The following CDK11B variants were observed in gnomAD, a reference collection of about 807,000 sequenced individuals.
The protein encoded by CDK11B is cyclin dependent kinase 11B.
Under a neutral mutation model 84.0 loss-of-function variants are expected in CDK11B, and 37 were observed. The ratio of observed to expected loss-of-function variants is 0.44; its 90% CI spans 0.34 to 0.58. The LOEUF is 0.58. Among genes scored for constraint, CDK11B ranks in the 20% least tolerant of loss-of-function variants. The pLI is 0.02. For synonymous variants in CDK11B, 269 were observed against 309.8 expected (o/e 0.87, Z 1.38); for missense variants, 427 against 834.0 (o/e 0.51, Z 6.01).
chr1:1,650,724 T>C (rs1231983090), intron 4 of CDK11B, among the ~76,000 whole-genome samples: 1 of 146,750 alleles, frequency 6.8e-6, no homozygotes, highest in Non-Finnish European at 1.5e-5. Context: ...GCCAGGCTGG[T>C]CTTGAACTCC....
At chr1:1,653,855 C>CACACAA (rs1642359978) in intron 3 of CDK11B, among the ~76,000 whole-genome samples, 4 of 150,364 alleles carry the variant, frequency 2.7e-5, no homozygotes, top group Admixed American at 2.6e-4. Flanking sequence ...CACACACACA[C>CACACAA]ACACACACCC....
intron 9 of CDK11B, 127 bp from the exon 10 acceptor site, chr1:1,641,240 G>A: frequency 6.7e-7 from 1 of 1,484,872 alleles, no homozygotes. Context: ...CGGGCGCGGT[G>A]GCTCACGCCT....
intron 2 of CDK11B, 104 bp from the exon 3 acceptor site, chr1:1,655,588 A>G: frequency 7.0e-7 from 1 of 1,429,970 alleles, no homozygotes; most frequent in Non-Finnish European, 9.3e-7. Context: ...ATCCCAAAAC[A>G]AACTTTCATA....
chr1:1,654,236 A>T, intron 3 of CDK11B: 1 of 441,844 alleles, frequency 2.3e-6, no homozygotes, highest in South Asian at 1.6e-5. Context: ...AGTTCATGGC[A>T]CAGGAAGAAA....
intron 5 of CDK11B, among the ~76,000 whole-genome samples, chr1:1,647,621 G>A (rs753545370): frequency 1.3e-5 from 2 of 152,220 alleles, no homozygotes; most frequent in South Asian, 2.1e-4. Context: ...CATCTGTGGC[G>A]GCTTCTATTT....
intron 3 of CDK11B, among the ~76,000 whole-genome samples, chr1:1,653,331 ATT>A (rs1018575097): frequency 6.6e-6 from 1 of 151,090 alleles, no homozygotes; most frequent in African/African-American, 2.4e-5. Flanking sequence ...CTTTATTTTT[ATT>A]TTTTTCAGAT....
Position 1,635,706 on chromosome 1 carries a change from A to G in CDK11B, c.*58T>C, listed in dbSNP as rs1639183949. On this transcript the variant is annotated 3_prime_UTR_variant, in exon 20 of 20. Transcript: ENST00000341832. ...CGAGTCTCATCGCAGCTCCAGCCGC[A>G]GTAGCCACGCCTGTGGTCCCGGCTG... The G allele has an allele frequency of 1.7e-5, 2 of 114,428 alleles. No homozygotes were observed. The highest frequency in any genetic ancestry group is 7.3e-5 in the South Asian group (1 of 13,780). 7.1% of individuals were successfully genotyped at this position (114,428 alleles called of 1,614,324 possible). A position where few individuals can be genotyped will look rare whatever the true frequency, so the allele number is the denominator to read the frequency against.
chr1:1,650,147 G>A (rs1449631371), intron 4 of CDK11B, among the ~76,000 whole-genome samples: 1 of 149,516 alleles, frequency 6.7e-6, no homozygotes, highest in Non-Finnish European at 1.5e-5. Context: ...GCGGGCACCT[G>A]TAGTCCCAGC....
In CDK11B at chr1:1,637,092, C is replaced by T. The variant is rs777000516; in HGVS notation, c.1681G>A (p.Gly561Ser). 11 of 1,613,560 alleles carry T rather than the reference C, an allele frequency of 6.8e-6. No homozygotes were observed. The highest frequency in any genetic ancestry group is 2.2e-5 in the East Asian group (1 of 44,870). The change falls in exon 15 of 20, where the codon GGC becomes AGC. Residue 561 changes from glycine (G) to serine (S), a missense_variant. Around this residue, in one of 12 missense-constraint regions of CDK11B, gnomAD observed 13 missense variants for 42.2 expected, o/e 0.31. Coordinates refer to ENST00000341832, the MANE Select transcript of CDK11B (RefSeq NM_033486.3). ...KTSNLLLSHA[G>S]ILKVGDFGLA... ...GGAGGGGGGCTCACCTTGAGGATGC[C>T]GGCGTGGCTCAGCAGCAGGTTGGAC...
chr1:1,657,659 G>C (rs931829867), intron 1 of CDK11B, among the ~76,000 whole-genome samples, 161 bp from the exon 2 acceptor site: 3 of 128,702 alleles, frequency 2.3e-5, no homozygotes, highest in Non-Finnish European at 4.8e-5. Context: ...AGCACTTTGG[G>C]AGGCCGAGGC....
rs1329073938 is a variant in CDK11B, at chr1:1,641,762, TTCC to T, written c.906_908del (p.Glu303del). 60 of 704,778 alleles carry T rather than the reference TTCC, an allele frequency of 8.5e-5. No individual in the cohort carries two copies. The highest frequency in any genetic ancestry group is 1.7e-4 in the East Asian group (6 of 34,626). 43.7% of individuals were successfully genotyped at this position (704,778 alleles called of 1,614,324 possible). ...CCTCTGATTCTTCACTGGTGCTCCC[TTCC>T]TCCTCCTCCTCTTCCTCCTCCTCCT... On this transcript the variant is annotated inframe_deletion, in exon 9 of 20. Transcript: ENST00000341832.
intron 3 of CDK11B, among the ~76,000 whole-genome samples, chr1:1,654,331 C>T (rs1570231531): frequency 6.6e-6 from 1 of 152,190 alleles, no homozygotes; most frequent in Non-Finnish European, 1.5e-5. Flanking sequence ...CATCCATTTC[C>T]TTGTCTCTAT....
intron 4 of CDK11B, among the ~76,000 whole-genome samples, chr1:1,650,357 TTTTC>T (rs1641814353): frequency 7.8e-6 from 1 of 128,086 alleles, no homozygotes. Context: ...TAATCCTAAT[TTTTC>T]TTTTTTTTCT....
At chr1:1,653,999 A>C (rs750651746) in intron 3 of CDK11B, 86 of 393,518 alleles carry the variant, frequency 2.2e-4, no homozygotes, top group Non-Finnish European at 3.8e-4. Context: ...ACAGGGTAAG[A>C]CTCTGTGTCA....
chr1:1,648,559 C>T (rs1326658509), intron 5 of CDK11B, among the ~76,000 whole-genome samples: 1 of 150,290 alleles, frequency 6.7e-6, no homozygotes, highest in Non-Finnish European at 1.5e-5. Flanking sequence ...GAGCAGCTTG[C>T]AAGCTTTCTG....
chr1:1,655,483 G>A lies in CDK11B; in HGVS notation c.113C>T (p.Ser38Phe), dbSNP rs1207358214. ...EKAEIKRLKN[S>F]DDRDSKRDSL... ...ATCCCGCTTGGAATCCCGGTCATCA[G>A]ACTAAGAAGCAAAGAGAAAGTTAAT... Residue 38 changes from serine (S) to phenylalanine (F), a missense_variant and splice_region_variant, in exon 3 of 20, where the codon TCT (serine) becomes TTT (phenylalanine). By Grantham distance (155) the Ser-to-Phe change is radical. This residue lies in a region of CDK11B where 57 missense variants were observed against 62.2 expected (regional missense o/e 0.92). Transcript: ENST00000341832. 1.2e-6 allele frequency: 2 copies of A among 1,606,730 alleles called. No individual in the cohort carries two copies. The highest frequency in any genetic ancestry group is 8.5e-7 in the Non-Finnish European group (1 of 1,175,132).
At chr1:1,649,970 A>G (rs1206642476) in intron 4 of CDK11B, among the ~76,000 whole-genome samples, 3 of 144,064 alleles carry the variant, frequency 2.1e-5, no homozygotes, top group South Asian at 4.4e-4. Context: ...AAAAAAAAAA[A>G]CCCACGTGAA....
chr1:1,650,268 C>CAAAAAAAAAAAAAAAAAAAAAAAAAA (rs1212256890), intron 4 of CDK11B, among the ~76,000 whole-genome samples: 29 of 45,752 alleles, frequency 6.3e-4, no homozygotes, highest in Non-Finnish European at 9.4e-4. Flanking sequence ...GACTCCGTCC[C>CAAAAAAAAAAAAAAAAAAAAAAAAAA]AAAAAAAAAA....
intron 3 of CDK11B, among the ~76,000 whole-genome samples, chr1:1,653,185 C>T (rs946591832): frequency 3.4e-5 from 5 of 148,926 alleles, no homozygotes; most frequent in African/African-American, 9.9e-5. Flanking sequence ...CCACCACACC[C>T]GGCTAATTTT....
Sources: allele counts gnomAD v4.1 joint callset (sites outside exome capture counted in the v4.1 genomes callset), GRCh38; gene constraint gnomAD v4.1.1; regional missense constraint gnomAD v4.1.1; transcripts MANE v1.5; gene names NCBI Gene and HGNC (gene_info 2026-07-23, HGNC 2026-07-21).